Variants in MARCHF3 observed in about 807,000 individuals in gnomAD.
The protein encoded by MARCHF3 is E3 ubiquitin-protein ligase MARCHF3.
In MARCHF3, 13 loss-of-function variants were observed where a neutral mutation model predicts 24.2. That is an observed-to-expected ratio of 0.54 (90% CI 0.35 to 0.85). The LOEUF (loss-of-function observed/expected upper bound fraction) is 0.85, where lower values mean the gene tolerates loss of function less well. Among genes scored for constraint, MARCHF3 ranks in the 40% least tolerant of loss-of-function variants. The pLI is 0.01. For synonymous variants in MARCHF3, 144 were observed against 137.3 expected (o/e 1.05, Z -0.34); for missense variants, 276 against 325.0 (o/e 0.85, Z 1.16).
chr5:126,947,292 C>T (rs1750059249), intron 1 of MARCHF3, among the ~76,000 whole-genome samples: 1 of 152,218 alleles, frequency 6.6e-6, no homozygotes, highest in Non-Finnish European at 1.5e-5. Context: ...CTGTGACAGA[C>T]ATCAGGGCTC....
intron 1 of MARCHF3, among the ~76,000 whole-genome samples, chr5:126,954,199 A>ATTTTTTTTTTTTTT (rs750262766): frequency 1.8e-5 from 2 of 114,088 alleles, no homozygotes; most frequent in Admixed American, 9.5e-5. Flanking sequence ...CGCCCGGCTA[A>ATTTTTTTTTTTTTT]TTTTTTTTTT....
chr5:126,934,432 AT>A (rs34440613), intron 1 of MARCHF3, among the ~76,000 whole-genome samples: 4,162 of 142,166 alleles, frequency 0.029, 71 homozygotes, highest in African/African-American at 0.057. Context: ...GGTAGCCTCT[AT>A]TTTTTTTTTT....
chr5:127,006,248 A>C (rs1752310555), intron 1 of MARCHF3, among the ~76,000 whole-genome samples: 1 of 152,054 alleles, frequency 6.6e-6, no homozygotes, highest in Non-Finnish European at 1.5e-5. Context: ...TAATAGTACA[A>C]ATCCTTTTTG....
chr5:126,914,671 T>A (rs148778315), intron 3 of MARCHF3: 3 of 560,544 alleles, frequency 5.4e-6, no homozygotes, highest in African/African-American at 3.7e-5. Context: ...TTTCTCCTTA[T>A]ACTAATTTAT....
At chr5:126,892,985 C>G (rs1208590735) in intron 3 of MARCHF3, among the ~76,000 whole-genome samples, 3 of 151,738 alleles carry the variant, frequency 2.0e-5, no homozygotes, top group Non-Finnish European at 4.4e-5. Context: ...TTGGTCTATT[C>G]AGAGATTCAA....
chr5:126,913,508 G>T (rs1467587437), intron 3 of MARCHF3, among the ~76,000 whole-genome samples: 2 of 152,208 alleles, frequency 1.3e-5, no homozygotes, highest in Non-Finnish European at 2.9e-5. Context: ...CTGGCACAAG[G>T]CCAAATTCCC....
In MARCHF3 at chr5:126,906,451, C is replaced by T. The variant is rs1211425531; in HGVS notation, c.393+8479G>A. On this transcript the variant is annotated intron_variant, in intron 3 of 4. Coordinates refer to ENST00000308660, the MANE Select transcript of MARCHF3 (RefSeq NM_178450.5). ...GGCTGTGAATCCATCTGGTCCTGGA[C>T]TCTTTTTCGTTGGTAAGCTATTGAT... 4.6e-5 allele frequency among the ~76,000 whole-genome samples: 7 copies of T among 152,174 alleles called. No individual in the cohort carries two copies. In the East Asian group the frequency reaches 1.3e-3, roughly 29 times the overall value.
rs543538994 is a variant in MARCHF3, at chr5:126,879,262, G to A, written c.394-868C>T. 2.0e-5 allele frequency among the ~76,000 whole-genome samples: 3 copies of A among 152,282 alleles called. No individual in the cohort carries two copies. The East Asian group carries it at 5.8e-4, about 29-fold the overall frequency. On this transcript the variant is annotated intron_variant, in intron 3 of 4. Transcript: ENST00000308660. ...CTTCACCCTTTTCTGCTTTTAATCT[G>A]TATCCCTTTGCTGTAATAAACCATA...
intron 1 of MARCHF3, among the ~76,000 whole-genome samples, chr5:127,003,861 C>T (rs944573135): frequency 6.6e-5 from 10 of 152,296 alleles, no homozygotes; most frequent in Non-Finnish European, 1.5e-4. Flanking sequence ...TTTGCACACA[C>T]ATGTGCACAC....
chr5:126,935,235 C>A (rs1749604752), intron 1 of MARCHF3, among the ~76,000 whole-genome samples: 2 of 152,128 alleles, frequency 1.3e-5, no homozygotes, highest in Admixed American at 1.3e-4. Context: ...ATTTAACATT[C>A]AAATTGATAG....
chr5:127,030,089 G>A (rs1196427143), intron 1 of MARCHF3: 1 of 152,228 alleles, frequency 6.6e-6, no homozygotes, highest in African/African-American at 2.4e-5. Context: ...CAGGGGACGC[G>A]TCCCGGCCCC....
chr5:126,961,488 T>C (rs1750634735), intron 1 of MARCHF3, among the ~76,000 whole-genome samples: 1 of 152,158 alleles, frequency 6.6e-6, no homozygotes, highest in Admixed American at 6.6e-5. Context: ...CTTATGTTTA[T>C]AAAAAATATT....
chr5:126,978,727 TCTATGAGCGG>T (rs1751289926), intron 1 of MARCHF3, among the ~76,000 whole-genome samples: 1 of 152,222 alleles, frequency 6.6e-6, no homozygotes, highest in African/African-American at 2.4e-5. Flanking sequence ...CCTGACTGTT[TCTATGAGCGG>T]CTCTCTCTCT....
intron 2 of MARCHF3, among the ~76,000 whole-genome samples, chr5:126,917,065 C>T (rs1272963205): frequency 6.6e-6 from 1 of 152,188 alleles, no homozygotes; most frequent in African/African-American, 2.4e-5. Context: ...GATGCCACTG[C>T]ACCAGAGGGG....
In MARCHF3 at chr5:126,915,746, A is replaced by G. The variant is rs139636721; in HGVS notation, c.189-612T>C. ...ACCAAACTGAAAGCGAGTAATGAGT[A>G]TGTCCCACTGAGGTAGCCTCAGTCT... On this transcript the variant is annotated intron_variant, in intron 2 of 4. Transcript: ENST00000308660. Among the ~76,000 whole-genome samples, 88 of 152,316 alleles carry G rather than the reference A, an allele frequency of 5.8e-4. 1 individual carries two copies. In the East Asian group the frequency reaches 0.016, roughly 28 times the overall value.
At chr5:127,003,995 G>A (rs545760437) in intron 1 of MARCHF3, among the ~76,000 whole-genome samples, 1 of 152,214 alleles carries the variant, frequency 6.6e-6, no homozygotes, top group African/African-American at 2.4e-5. Context: ...AGGGAGGCTG[G>A]GGGCAGCCAG....
At chr5:126,947,823 A>T (rs553833763) in intron 1 of MARCHF3, among the ~76,000 whole-genome samples, 185 of 150,496 alleles carry the variant, frequency 1.2e-3, no homozygotes, top group African/African-American at 4.1e-3. Flanking sequence ...TCATATGATC[A>T]GTCCAGGCAG....
Position 126,965,172 on chromosome 5 carries a change from T to C in MARCHF3, c.-56-46945A>G, listed in dbSNP as rs543310331. ...TGCCAAAGGCTTTACATAAATGAGA[T>C]CATCGTCTTCATAACAATCATATGA... On this transcript the variant is annotated intron_variant, in intron 1 of 4. Transcript: ENST00000308660. Among the ~76,000 whole-genome samples the C allele has an allele frequency of 5.3e-5, 8 of 152,210 alleles. No homozygotes were observed. The East Asian group carries it at 1.5e-3, about 29-fold the overall frequency.
intron 3 of MARCHF3, among the ~76,000 whole-genome samples, chr5:126,882,486 G>A (rs1580596393): frequency 6.6e-6 from 1 of 152,084 alleles, no homozygotes. Context: ...AATAGACAAG[G>A]GGTTGACCTC....
Sources: gnomAD v4.1 joint callset for allele counts (sites outside exome capture counted in the v4.1 genomes callset) on GRCh38, gnomAD v4.1.1 for gene constraint, MANE v1.5 for transcripts, NCBI Gene and HGNC (gene_info 2026-07-23, HGNC 2026-07-21) for gene names.